Variants in GABPA observed in about 807,000 individuals in gnomAD.
GABPA encodes GA binding protein transcription factor subunit alpha.
In GABPA, 4 loss-of-function variants were observed where a neutral mutation model predicts 59.4. The observed-to-expected ratio is 0.07, with a 90% confidence interval of 0.03 to 0.15. GABPA has a LOEUF of 0.15. Among genes scored for constraint, GABPA ranks in the 10% least tolerant of loss-of-function variants. The pLI is 1.00. For synonymous variants in GABPA, 164 were observed against 183.1 expected, an observed-to-expected ratio of 0.90 and a Z score of 0.84; for missense variants, 251 against 543.8, an observed-to-expected ratio of 0.46 and a Z score of 5.36.
At chr21:25,739,507 GCTC>G (rs1333847704) in intron 1 of GABPA, among the ~76,000 whole-genome samples, 6 of 152,194 alleles carry the variant, frequency 3.9e-5, no homozygotes, top group Admixed American at 3.9e-4. Context: ...TTGGCTCAAA[GCTC>G]CTTTCCTCCA....
At chr21:25,763,256 T>C (rs536544573) in intron 7 of GABPA, 2 of 406,394 alleles carry the variant, frequency 4.9e-6, no homozygotes, top group East Asian at 1.3e-4. Flanking sequence ...TTAAGCCTGC[T>C]GAGCTCTTTT....
chr21:25,755,140 A>G (rs2035603186), intron 5 of GABPA, among the ~76,000 whole-genome samples: 1 of 151,238 alleles, frequency 6.6e-6, no homozygotes, highest in African/African-American at 2.4e-5. Context: ...AAAACGAGGC[A>G]TTGACTATTT....
intron 7 of GABPA, 131 bp downstream of exon 7, chr21:25,762,496 T>C (rs2035788558): frequency 5.0e-6 from 3 of 594,502 alleles, no homozygotes. Context: ...TTCTGTGGAA[T>C]GAAAGCTCGA....
chr21:25,742,215 G>A (rs1403282439), intron 2 of GABPA, among the ~76,000 whole-genome samples: 2 of 91,338 alleles, frequency 2.2e-5, no homozygotes, highest in Admixed American at 2.7e-4. Flanking sequence ...AAGGAGGACA[G>A]TAGTAATGAG....
chr21:25,749,425 A>C (rs927243729), intron 4 of GABPA, among the ~76,000 whole-genome samples: 4 of 152,178 alleles, frequency 2.6e-5, no homozygotes, highest in African/African-American at 4.8e-5. Context: ...GCAGAACTGG[A>C]CTGCTAAGGA....
intron 5 of GABPA, among the ~76,000 whole-genome samples, chr21:25,754,608 T>G (rs551467335): frequency 6.6e-6 from 1 of 151,656 alleles, no homozygotes; most frequent in Non-Finnish European, 1.5e-5. Context: ...CTGAGTATAT[T>G]GATTATATAT....
chr21:25,765,845 G>C (rs963330170), intron 9 of GABPA, among the ~76,000 whole-genome samples: 1 of 148,120 alleles, frequency 6.8e-6, no homozygotes, highest in African/African-American at 2.5e-5. Context: ...TAAGATGTCA[G>C]TTCCCCCCCA....
At chr21:25,743,763 A>T (rs1296494705) in intron 2 of GABPA, among the ~76,000 whole-genome samples, 1 of 152,110 alleles carries the variant, frequency 6.6e-6, no homozygotes, top group Non-Finnish European at 1.5e-5. Context: ...ACAAAAAAAG[A>T]AAAAACTGGC....
At chr21:25,751,951 T>C (rs765942491) in intron 4 of GABPA, 38 bp from the exon 5 acceptor site, 9 of 1,598,956 alleles carry the variant, frequency 5.6e-6, no homozygotes, top group Non-Finnish European at 7.7e-6. Context: ...TTCTGCGTTT[T>C]CATTTAGATT....
At position 25,748,997 on chromosome 21, in the gene GABPA, T is replaced by C. The variant is rs760605401; in HGVS notation, c.223-39T>C. 4 of 1,238,196 alleles carry C rather than the reference T, an allele frequency of 3.2e-6. No homozygotes were observed. The African/African-American group carries it at 5.9e-5, about 18-fold the overall frequency. 76.7% of individuals were successfully genotyped at this position (1,238,196 alleles called of 1,614,324 possible). On this transcript the variant is annotated intron_variant, in intron 3 of 9. Coordinates refer to ENST00000400075, the MANE Select transcript of GABPA (RefSeq NM_002040.4). ...AAAGGCAAGGGACTTAATCTAATGATTGCACTGAAATAATCTTACTCATTT... is the reference window on the plus strand; with the variant it reads ...AAAGGCAAGGGACTTAATCTAATGACTGCACTGAAATAATCTTACTCATTT...
chr21:25,750,701 C>T (rs1383312111), intron 4 of GABPA, among the ~76,000 whole-genome samples: 4 of 152,094 alleles, frequency 2.6e-5, no homozygotes, highest in South Asian at 2.1e-4. Flanking sequence ...ATGGTAGTTA[C>T]GTACTTCTGA....
At chr21:25,755,863 C>A (rs1225711354) in intron 5 of GABPA, among the ~76,000 whole-genome samples, 1 of 152,148 alleles carries the variant, frequency 6.6e-6, no homozygotes, top group African/African-American at 2.4e-5. Context: ...ATGACTTGAA[C>A]CAGTGAAGGG....
At position 25,735,216 on chromosome 21, in the gene GABPA, TC is replaced by T. The variant is rs2034992308; in HGVS notation, c.-388del. On this transcript the variant is annotated 5_prime_UTR_variant, in exon 1 of 10. The change abolishes the stop of an existing upstream ORF in the 5' untranslated region. Coordinates refer to ENST00000400075, the MANE Select transcript of GABPA (RefSeq NM_002040.4). ...CCCCTAGTTCAAGCTCCCCTCCGAGTCAGCGTCCTGTTCGTTAGGGTTATCG... is the reference window on the plus strand; with the variant it reads ...CCCCTAGTTCAAGCTCCCCTCCGAGTAGCGTCCTGTTCGTTAGGGTTATCG... The T allele has an allele frequency of 1.7e-6, 1 of 590,736 alleles. No individual in the cohort carries two copies. 36.6% of individuals were successfully genotyped at this position (590,736 alleles called of 1,614,324 possible).
chr21:25,736,772 C>G (rs1031063404), intron 1 of GABPA, among the ~76,000 whole-genome samples: 1 of 152,184 alleles, frequency 6.6e-6, no homozygotes, highest in Non-Finnish European at 1.5e-5. Flanking sequence ...CTGAGGGTCC[C>G]AACTGTTAAT....
At chr21:25,743,939 G>T (rs1282172058) in intron 2 of GABPA, among the ~76,000 whole-genome samples, 1 of 151,368 alleles carries the variant, frequency 6.6e-6, no homozygotes, top group Non-Finnish European at 1.5e-5. Context: ...AGATACTCGG[G>T]AGGCTGAGGC....
chr21:25,766,560 A>G (rs1368483797), intron 9 of GABPA, among the ~76,000 whole-genome samples: 2 of 151,928 alleles, frequency 1.3e-5, no homozygotes, highest in East Asian at 3.9e-4. Context: ...CAGGCTAGAG[A>G]TTATCCAAAT....
chr21:25,751,017 C>A (rs1217004701), intron 4 of GABPA, among the ~76,000 whole-genome samples: 2 of 152,014 alleles, frequency 1.3e-5, no homozygotes, highest in Admixed American at 1.3e-4. Flanking sequence ...TTTCTTTAAG[C>A]TGTACTTTGA....
At chr21:25,767,052 A>C (rs548829644) in intron 9 of GABPA, among the ~76,000 whole-genome samples, 16 of 152,024 alleles carry the variant, frequency 1.1e-4, no homozygotes, top group Non-Finnish European at 1.8e-4. Context: ...TTTATTTAGT[A>C]AAGTTCAAAA....
chr21:25,736,185 G>A (rs2035053998), intron 1 of GABPA, among the ~76,000 whole-genome samples: 2 of 152,232 alleles, frequency 1.3e-5, no homozygotes, highest in Non-Finnish European at 1.5e-5. Context: ...GTATGTGCGT[G>A]TTTGGATTTA....
Sources: gnomAD v4.1 joint callset for allele counts (sites outside exome capture counted in the v4.1 genomes callset) on GRCh38, gnomAD v4.1.1 for gene constraint, MANE v1.5 for transcripts, NCBI Gene and HGNC (gene_info 2026-07-23, HGNC 2026-07-21) for gene names.